Variants in TNPO1 observed in about 807,000 individuals in gnomAD.
TNPO1 encodes transportin-1.
Under a neutral mutation model 119.5 loss-of-function variants are expected in TNPO1, and 8 were observed. The observed-to-expected ratio is 0.07, with a 90% confidence interval of 0.04 to 0.12. The LOEUF (loss-of-function observed/expected upper bound fraction) is 0.12. Among genes scored for constraint, TNPO1 ranks in the 10% least tolerant of loss-of-function variants. TNPO1 has a pLI of 1.00. For missense variants in TNPO1, 576 were observed against 1,089.8 expected (o/e 0.53, Z 6.64); for synonymous variants, 362 against 363.0 (o/e 1.00, Z 0.03).
intron 6 of TNPO1, among the ~76,000 whole-genome samples, chr5:72,867,659 A>C (rs1747020528): frequency 6.6e-6 from 1 of 152,234 alleles, no homozygotes; most frequent in Non-Finnish European, 1.5e-5. Context: ...TCTACATCTA[A>C]GTCACAATTT....
chr5:72,877,945 T>C (rs1747926842), intron 9 of TNPO1, among the ~76,000 whole-genome samples: 1 of 152,186 alleles, frequency 6.6e-6, no homozygotes, highest in Admixed American at 6.5e-5. Context: ...TTTAATAATA[T>C]ATAATACATT....
chr5:72,906,264 C>CTTTTCTTTTTCT (rs1750137909), intron 24 of TNPO1, among the ~76,000 whole-genome samples: 1 of 90,238 alleles, frequency 1.1e-5, no homozygotes, highest in Admixed American at 1.6e-4. Flanking sequence ...GTGCCCATCA[C>CTTTTCTTTTTCT]TTTTTTTTTT....
chr5:72,894,678 A>T (rs1406060026), intron 18 of TNPO1, among the ~76,000 whole-genome samples: 3 of 152,222 alleles, frequency 2.0e-5, no homozygotes, highest in Admixed American at 1.3e-4. Flanking sequence ...CTCAAAAAAA[A>T]TTATTTTAAT....
chr5:72,853,051 A>G (rs1745706920), intron 3 of TNPO1, among the ~76,000 whole-genome samples: 1 of 152,212 alleles, frequency 6.6e-6, no homozygotes, highest in South Asian at 2.1e-4. Context: ...CTTATCCTAC[A>G]TTCCAAATAT....
intron 1 of TNPO1, among the ~76,000 whole-genome samples, chr5:72,839,969 G>A (rs1220439193): frequency 2.0e-5 from 3 of 152,276 alleles, no homozygotes; most frequent in African/African-American, 7.2e-5. Flanking sequence ...ACTCCTATCA[G>A]CCTTTTGTTT....
chr5:72,862,026 C>T, intron 5 of TNPO1, 112 bp downstream of exon 5: 1 of 672,504 alleles, frequency 1.5e-6, no homozygotes, highest in Non-Finnish European at 2.5e-6. Flanking sequence ...CTTCTCAAAA[C>T]TTAGAAACCT....
At chr5:72,901,130 G>A in intron 22 of TNPO1, 57 bp downstream of exon 22, 2 of 1,132,570 alleles carry the variant, frequency 1.8e-6, no homozygotes, top group Non-Finnish European at 2.5e-6. Flanking sequence ...TTTAAAGGAA[G>A]AAACATTCTA....
intron 6 of TNPO1, among the ~76,000 whole-genome samples, chr5:72,869,834 T>A (rs573840519): frequency 6.6e-6 from 1 of 152,226 alleles, no homozygotes; most frequent in Non-Finnish European, 1.5e-5. Context: ...TTGATATTGA[T>A]TATGAATATG....
At chr5:72,883,918 G>GTT (rs956038742) in intron 11 of TNPO1, among the ~76,000 whole-genome samples, 12 of 138,608 alleles carry the variant, frequency 8.7e-5, no homozygotes, top group African/African-American at 2.1e-4. Context: ...ATGAATTTTT[G>GTT]TTTTTTTTTT....
chr5:72,820,512 T>A (rs1743908616), intron 1 of TNPO1, among the ~76,000 whole-genome samples: 1 of 152,198 alleles, frequency 6.6e-6, no homozygotes, highest in African/African-American at 2.4e-5. Flanking sequence ...TAACATACAT[T>A]GTCACTTTCA....
intron 1 of TNPO1, among the ~76,000 whole-genome samples, chr5:72,818,998 A>T (rs1041491356): frequency 6.6e-6 from 1 of 152,218 alleles, no homozygotes; most frequent in Non-Finnish European, 1.5e-5. Context: ...TGGAAGACAG[A>T]TGTTTGCAAG....
At chr5:72,904,712 G>T (rs1479797133) in intron 23 of TNPO1, among the ~76,000 whole-genome samples, 1 of 152,248 alleles carries the variant, frequency 6.6e-6, no homozygotes, top group South Asian at 2.1e-4. Flanking sequence ...CAGGAGAATC[G>T]CTTGAACCCA....
chr5:72,887,514 A>G (rs897554881), intron 12 of TNPO1, among the ~76,000 whole-genome samples: 6 of 152,148 alleles, frequency 3.9e-5, no homozygotes, highest in Non-Finnish European at 8.8e-5. Context: ...TGGCGAAACC[A>G]CGTCTGCTAA....
intron 20 of TNPO1, among the ~76,000 whole-genome samples, chr5:72,899,449 T>G (rs1749661996): frequency 6.6e-6 from 1 of 150,542 alleles, no homozygotes. Context: ...TGGCAAATGT[T>G]AATCAAAGAA....
chr5:72,817,728 T>C (rs1490626430), intron 1 of TNPO1, among the ~76,000 whole-genome samples: 1 of 152,220 alleles, frequency 6.6e-6, no homozygotes, highest in Non-Finnish European at 1.5e-5. Flanking sequence ...AAAGATACTT[T>C]TAAAATTGCA....
chr5:72,876,379 G>A (rs185364559), intron 8 of TNPO1, among the ~76,000 whole-genome samples: 430 of 152,310 alleles, frequency 2.8e-3, no homozygotes, highest in Non-Finnish European at 4.6e-3. Flanking sequence ...CCTCAGGTAC[G>A]TTGTGAAAAT....
At chr5:72,848,572 G>A (rs1354994685) in intron 2 of TNPO1, 74 bp downstream of exon 2, 4 of 882,662 alleles carry the variant, frequency 4.5e-6, no homozygotes, top group South Asian at 3.0e-5. Context: ...GCGGCCGGGG[G>A]CTCCCGTCGC....
At chr5:72,904,212 T>C (rs1749976053) in intron 23 of TNPO1, among the ~76,000 whole-genome samples, 1 of 152,186 alleles carries the variant, frequency 6.6e-6, no homozygotes, top group African/African-American at 2.4e-5. Context: ...AAAAATAAAA[T>C]GCAGTTACAC....
intron 1 of TNPO1, among the ~76,000 whole-genome samples, chr5:72,830,149 A>G (rs1487685227): frequency 1.3e-5 from 2 of 152,220 alleles, no homozygotes; most frequent in Non-Finnish European, 2.9e-5. Context: ...AGGATGAGAC[A>G]TAAAAAGGAT....
Sources: gnomAD v4.1 joint callset for allele counts (sites outside exome capture counted in the v4.1 genomes callset) on GRCh38, gnomAD v4.1.1 for gene constraint, MANE v1.5 for transcripts, NCBI Gene and HGNC (gene_info 2026-07-23, HGNC 2026-07-21) for gene names.